BAIAP2L1: variants seen among roughly 807,000 people sequenced by gnomAD.
The protein encoded by BAIAP2L1 is BAR/IMD domain containing adaptor protein 2 like 1.
BAIAP2L1 carries 35 observed loss-of-function variants against 66.3 expected under a neutral mutation model. That is an observed-to-expected ratio of 0.53 (90% CI 0.40 to 0.70). The LOEUF (loss-of-function observed/expected upper bound fraction) is 0.70, where lower values mean the gene tolerates loss of function less well. Ranked by LOEUF, BAIAP2L1 falls within the 30% of genes least tolerant of loss-of-function variation. The pLI is 0.00. For missense variants in BAIAP2L1, 622 were observed against 656.9 expected (o/e 0.95, Z 0.58); for synonymous variants, 269 against 248.7 (o/e 1.08, Z -0.77).
rs1801039823 is a variant in BAIAP2L1 at position 98,315,456 on chromosome 7, C to A, written c.639+4G>T. On this transcript the variant is annotated splice_donor_region_variant and intron_variant, in intron 7 of 13. Coordinates refer to ENST00000005260, the MANE Select transcript of BAIAP2L1 (RefSeq NM_018842.5). The stretch of plus-strand genomic sequence containing the variant: ...CGCTCAAGGCAATTTGCCACCACAC[C>A]CACCTGTAAGTGATAATAATGTATG... The A allele has an allele frequency of 1.4e-6, 2 of 1,421,834 alleles. No individual in the cohort carries two copies. The highest frequency in any genetic ancestry group is 1.9e-6 in the Non-Finnish European group (2 of 1,076,660). 88.1% of individuals were successfully genotyped at this position (1,421,834 alleles called of 1,614,324 possible).
At chr7:98,318,794 A>G (rs960748497) in intron 5 of BAIAP2L1, among the ~76,000 whole-genome samples, 4 of 151,510 alleles carry the variant, frequency 2.6e-5, no homozygotes, top group Non-Finnish European at 4.4e-5. Context: ...AAATACAAAA[A>G]TTAGCCGGGT....
At chr7:98,343,069 T>A (rs1351414652) in intron 3 of BAIAP2L1, among the ~76,000 whole-genome samples, 1 of 151,730 alleles carries the variant, frequency 6.6e-6, no homozygotes, top group Non-Finnish European at 1.5e-5. Context: ...TTGAGTGGCA[T>A]GAATTTGACC....
chr7:98,317,094 C>T, intron 6 of BAIAP2L1, 125 bp downstream of exon 6: 1 of 1,221,650 alleles, frequency 8.2e-7, no homozygotes, highest in Non-Finnish European at 1.2e-6. Flanking sequence ...CTCATATGAT[C>T]CTACTGCCTC....
At chr7:98,342,041 A>AT (rs142061599) in intron 3 of BAIAP2L1, among the ~76,000 whole-genome samples, 1,606 of 94,750 alleles carry the variant, frequency 0.017, 9 homozygotes, top group Non-Finnish European at 0.02. Context: ...TTTTTTTCTG[A>AT]TTTTTTTTTT....
intron 1 of BAIAP2L1, among the ~76,000 whole-genome samples, chr7:98,393,736 C>T (rs539397930): frequency 2.6e-5 from 4 of 151,364 alleles, no homozygotes; most frequent in East Asian, 2.0e-4. Flanking sequence ...CCGCCCGCCT[C>T]GGCCTCCCAA....
In BAIAP2L1 at chr7:98,379,720, T is replaced by C. The variant is rs569224018; in HGVS notation, c.52-17288A>G. On this transcript the variant is annotated intron_variant, in intron 1 of 13. Transcript: ENST00000005260. ...AACAAAACGTGGTATATCCATTTAA[T>C]AGAATATTATTCAGCCATAGAAAAG... Among the ~76,000 whole-genome samples the C allele has an allele frequency of 9.2e-5, 14 of 152,050 alleles. No homozygotes were observed. The South Asian group carries it at 2.7e-3, about 29-fold the overall frequency.
chr7:98,354,253 G>T (rs938908280), intron 3 of BAIAP2L1, among the ~76,000 whole-genome samples: 1 of 151,854 alleles, frequency 6.6e-6, no homozygotes, highest in East Asian at 1.9e-4. Flanking sequence ...CAACCCCATC[G>T]AGAAACCATG....
intron 1 of BAIAP2L1, among the ~76,000 whole-genome samples, chr7:98,393,517 A>T (rs1803121960): frequency 6.6e-6 from 1 of 151,018 alleles, no homozygotes; most frequent in Non-Finnish European, 1.5e-5. Context: ...TTTTTTTTTG[A>T]GACGGAGTCT....
rs987103699 is a variant in BAIAP2L1 at position 98,378,837 on chromosome 7, C to CT, written c.52-16406dup. 9.6e-4 allele frequency among the ~76,000 whole-genome samples: 139 copies of CT among 144,578 alleles called. 1 individual carries two copies. The South Asian group carries it at 0.012, about 12-fold the overall frequency. The allele number at this position is 144,578 out of a possible 152,430, so 94.8% of individuals were successfully genotyped here. ...GGGAGGCCAAGGCAGAAGGCTCACT[C>CT]TTTTTTTTTTTGAGATGGAGTCTCG... is the stretch of plus-strand genomic sequence containing the variant. On this transcript the variant is annotated intron_variant, in intron 1 of 13. Coordinates refer to ENST00000005260, the MANE Select transcript of BAIAP2L1 (RefSeq NM_018842.5).
At chr7:98,294,240 A>C in intron 12 of BAIAP2L1, 129 bp from the exon 13 acceptor site, 1 of 910,378 alleles carries the variant, frequency 1.1e-6, no homozygotes. Context: ...TGATCCTTCC[A>C]CCTTGGCCTC....
intron 3 of BAIAP2L1, among the ~76,000 whole-genome samples, chr7:98,344,931 T>C (rs1801837353): frequency 6.6e-6 from 1 of 152,180 alleles, no homozygotes; most frequent in Non-Finnish European, 1.5e-5. Context: ...AGCGAAACTC[T>C]GTCTCAAAAA....
At chr7:98,347,041 C>A in intron 3 of BAIAP2L1, among the ~76,000 whole-genome samples, 1 of 152,124 alleles carries the variant, frequency 6.6e-6, no homozygotes, top group Admixed American at 6.5e-5. Flanking sequence ...CAAAACTTCA[C>A]CTTAAAGGAA....
At chr7:98,310,865 T>C (rs1450800747) in intron 8 of BAIAP2L1, among the ~76,000 whole-genome samples, 1 of 152,044 alleles carries the variant, frequency 6.6e-6, no homozygotes, top group Non-Finnish European at 1.5e-5. Context: ...TTTGTATTTT[T>C]AGTAGAGATG....
chr7:98,294,775 A>G (rs1800116174), intron 12 of BAIAP2L1, among the ~76,000 whole-genome samples: 1 of 152,234 alleles, frequency 6.6e-6, no homozygotes, highest in African/African-American at 2.4e-5. Context: ...GGGCTGCTAG[A>G]GCCAGGGATC....
intron 3 of BAIAP2L1, among the ~76,000 whole-genome samples, chr7:98,340,853 G>A (rs1233700308): frequency 2.7e-5 from 4 of 148,158 alleles, no homozygotes; most frequent in African/African-American, 2.5e-5. Context: ...GGAGAGCAAT[G>A]GTGTGACCTC....
At chr7:98,353,656 T>A (rs983191521) in intron 3 of BAIAP2L1, among the ~76,000 whole-genome samples, 5 of 139,590 alleles carry the variant, frequency 3.6e-5, no homozygotes, top group Admixed American at 1.6e-4. Context: ...ATATATATTT[T>A]TATATATATA....
intron 3 of BAIAP2L1, among the ~76,000 whole-genome samples, chr7:98,352,412 C>T (rs1330451445): frequency 3.3e-5 from 5 of 152,096 alleles, no homozygotes; most frequent in African/African-American, 7.2e-5. Flanking sequence ...GAGGCGTAGG[C>T]GGGTGGGTCA....
chr7:98,333,016 TAA>T (rs1326323713), intron 3 of BAIAP2L1, among the ~76,000 whole-genome samples: 1 of 151,896 alleles, frequency 6.6e-6, no homozygotes, highest in African/African-American at 2.4e-5. Context: ...CCAAGCCCAC[TAA>T]AGCCTCAGGG....
intron 1 of BAIAP2L1, among the ~76,000 whole-genome samples, chr7:98,390,563 T>C (rs1277223457): frequency 1.3e-5 from 2 of 151,428 alleles, no homozygotes; most frequent in Non-Finnish European, 2.9e-5. Flanking sequence ...CCCGTCTCTA[T>C]TAAAAATACA....
Sources: allele counts gnomAD v4.1 joint callset (sites outside exome capture counted in the v4.1 genomes callset), GRCh38; gene constraint gnomAD v4.1.1; transcripts MANE v1.5; gene names NCBI Gene and HGNC (gene_info 2026-07-23, HGNC 2026-07-21).